Variants in ENPEP observed in about 807,000 individuals in gnomAD.
ENPEP encodes AP-A.
A neutral mutation model predicts 114.5 loss-of-function variants in ENPEP; 103 were observed. The ratio of observed to expected loss-of-function variants is 0.90; its 90% CI spans 0.77 to 1.06. The LOEUF is 1.06. Among genes scored for constraint, ENPEP ranks in the 50% least tolerant of loss-of-function variants. The probability of loss-of-function intolerance (pLI) is 0.00; values close to 1 mark genes in which losing one functional copy is unlikely to be tolerated. For missense variants in ENPEP, 1,196 were observed against 1,161.3 expected (o/e 1.03, Z -0.43); for synonymous variants, 420 against 422.0 (o/e 1.00, Z 0.06).
At chr4:110,532,395 G>A (rs1175732203) in intron 11 of ENPEP, among the ~76,000 whole-genome samples, 1 of 152,068 alleles carries the variant, frequency 6.6e-6, no homozygotes, top group Non-Finnish European at 1.5e-5. Context: ...TTAGCATAAC[G>A]ATTTCAAGGC....
intron 17 of ENPEP, 105 bp downstream of exon 17, chr4:110,549,991 A>T (rs1727227926): frequency 7.8e-6 from 9 of 1,157,014 alleles, no homozygotes; most frequent in East Asian, 5.2e-5. Flanking sequence ...TTCCAAAAAA[A>T]TCCATTAAAA....
At position 110,476,891 on chromosome 4, in the gene ENPEP, G is replaced by T. The variant is rs142566268; in HGVS notation, c.477G>T (p.Arg159Ser). 2.3e-3 allele frequency: 3,679 copies of T among 1,614,166 alleles called. 5 individuals are homozygous for T. The highest frequency in any genetic ancestry group is 2.9e-3 in the Non-Finnish European group (3,475 of 1,180,036). Reference protein sequence around the residue: ...RPSGDQVQVRRCFEYKKQEYV... With the variant: ...RPSGDQVQVRSCFEYKKQEYV... ...CTGGGGACCAGGTGCAAGTCCGGAG[G>T]TGTTTCGAGTACAAAAAGCAGGAGT... Residue 159 changes from arginine to serine, a missense_variant, in exon 1 of 20, where the codon AGG becomes AGT. Physicochemically the swap from Arg to Ser is moderately radical, Grantham distance 110. Transcript: ENST00000265162.
chr4:110,556,892 T>C (rs974258163), intron 18 of ENPEP, among the ~76,000 whole-genome samples: 2 of 152,188 alleles, frequency 1.3e-5, no homozygotes, highest in Admixed American at 6.6e-5. Flanking sequence ...ATGACTGGCA[T>C]TGGGGATGCA....
intron 11 of ENPEP, among the ~76,000 whole-genome samples, chr4:110,534,594 G>C (rs753699182): frequency 7.6e-6 from 1 of 131,856 alleles, no homozygotes; most frequent in Non-Finnish European, 1.5e-5. Context: ...TGCAACGTCC[G>C]CCCCCTGGGT....
At chr4:110,513,872 A>G (rs887839827) in intron 7 of ENPEP, among the ~76,000 whole-genome samples, 1 of 152,160 alleles carries the variant, frequency 6.6e-6, no homozygotes, top group African/African-American at 2.4e-5. Context: ...AAAGACAATA[A>G]ATCTTTTTCT....
chr4:110,530,182 G>A (rs189397705), intron 10 of ENPEP, among the ~76,000 whole-genome samples: 25 of 152,254 alleles, frequency 1.6e-4, no homozygotes, highest in African/African-American at 6.0e-4. Flanking sequence ...TTTATGAAAC[G>A]TATAGCCAAA....
In ENPEP at chr4:110,519,929, CAG is replaced by C. The variant is rs773376902; in HGVS notation, c.1510-78_1510-77del. 5.1e-5 allele frequency: 66 copies of C among 1,290,720 alleles called. 1 individual carries two copies. The Middle Eastern group carries it at 1.3e-3, about 25-fold the overall frequency. The allele number at this position is 1,290,720 out of a possible 1,614,324, so 80.0% of individuals were successfully genotyped here. A position where few individuals can be genotyped will look rare whatever the true frequency, so the allele number is the denominator to read the frequency against. On this transcript the variant is annotated intron_variant, in intron 8 of 19. Transcript: ENST00000265162. ...GCGCAATGGAGGTAGAATTGAGTAG[CAG>C]GGGTTCAGTTCATCTTGTGAAAGTA...
chr4:110,507,914 G>A (rs1406586085), intron 4 of ENPEP, among the ~76,000 whole-genome samples: 1 of 152,170 alleles, frequency 6.6e-6, no homozygotes, highest in African/African-American at 2.4e-5. Flanking sequence ...GGTTGAGGCT[G>A]CAGTGAGCCA....
intron 10 of ENPEP, among the ~76,000 whole-genome samples, chr4:110,521,692 A>T (rs975197485): frequency 1.3e-5 from 2 of 152,152 alleles, no homozygotes; most frequent in African/African-American, 4.8e-5. Context: ...CTTAGAAAGG[A>T]CAAATTGAGA....
intron 11 of ENPEP, among the ~76,000 whole-genome samples, chr4:110,532,395 G>T (rs1175732203): frequency 6.6e-6 from 1 of 152,068 alleles, no homozygotes; most frequent in Non-Finnish European, 1.5e-5. Flanking sequence ...TTAGCATAAC[G>T]ATTTCAAGGC....
At chr4:110,525,436 CT>C (rs1726160207) in intron 10 of ENPEP, among the ~76,000 whole-genome samples, 2 of 151,920 alleles carry the variant, frequency 1.3e-5, no homozygotes, top group African/African-American at 4.8e-5. Context: ...TTATTGCCCC[CT>C]CTTTCAACAT....
intron 3 of ENPEP, among the ~76,000 whole-genome samples, chr4:110,497,137 T>A (rs1051493481): frequency 6.6e-6 from 1 of 152,204 alleles, no homozygotes; most frequent in Non-Finnish European, 1.5e-5. Flanking sequence ...CATTCCCCAG[T>A]GGATGTCCAC....
rs1045133585 is a variant in ENPEP at position 110,476,592 on chromosome 4, C to T, written c.178C>T (p.Leu60=). Residue 60 remains leucine (L), a synonymous_variant, in exon 1 of 20, where the codon CTG becomes TTG. Coordinates refer to ENST00000265162, the MANE Select transcript of ENPEP (RefSeq NM_001977.4). ...GGGCACTGCGCCAGCTCCTTCCCAC[C>T]TGCCTTCTTCCACGGCCAGCCCCTC... ...GPGTAPAPSH[L]PSSTASPSGP... 1 of 1,614,016 alleles carries T rather than the reference C, an allele frequency of 6.2e-7. No homozygotes were observed. Among genetic ancestry groups the T allele is most frequent in the Non-Finnish European group, 8.5e-7 (1 of 1,179,994 alleles).
At chr4:110,511,761 C>CT (rs35037890) in intron 6 of ENPEP, among the ~76,000 whole-genome samples, 117 of 145,604 alleles carry the variant, frequency 8.0e-4, no homozygotes, top group Admixed American at 1.2e-3. Context: ...TCATTCATTC[C>CT]TTTTTTTTTT....
chr4:110,514,321 A>C (rs568022781), intron 7 of ENPEP, among the ~76,000 whole-genome samples: 1 of 152,248 alleles, frequency 6.6e-6, no homozygotes, highest in Non-Finnish European at 1.5e-5. Flanking sequence ...TATAATTATT[A>C]AAATGAATAC....
chr4:110,527,518 A>G (rs1726242016), intron 10 of ENPEP, among the ~76,000 whole-genome samples: 1 of 152,172 alleles, frequency 6.6e-6, no homozygotes, highest in Admixed American at 6.5e-5. Flanking sequence ...GAAAGATTAG[A>G]TGATGATGGA....
intron 18 of ENPEP, among the ~76,000 whole-genome samples, 178 bp from the exon 19 acceptor site, chr4:110,559,469 T>C (rs1727606712): frequency 6.6e-6 from 1 of 152,154 alleles, no homozygotes; most frequent in Non-Finnish European, 1.5e-5. Context: ...GTGCAGAGTG[T>C]ACTAAGAATT....
rs542158017 is a variant in ENPEP, at chr4:110,511,715, C to T, written c.1308+1357C>T. Among the ~76,000 whole-genome samples, 10 of 152,020 alleles carry T rather than the reference C, an allele frequency of 6.6e-5. No homozygotes were observed. In the South Asian group the frequency reaches 1.9e-3, roughly 28 times the overall value. On this transcript the variant is annotated intron_variant, in intron 6 of 19. Transcript: ENST00000265162. ...CTTCTTAAGTGAAATTTAATCACAT[C>T]GTTCAACACAACAATTAATTCATTC...
At chr4:110,559,577 A>G (rs1320578729) in intron 18 of ENPEP, 70 bp from the exon 19 acceptor site, 10 of 1,092,182 alleles carry the variant, frequency 9.2e-6, no homozygotes, top group African/African-American at 1.6e-5. Context: ...AAAAGGAAAC[A>G]TCTGCATTTA....
Sources: gnomAD v4.1 joint callset for allele counts (sites outside exome capture counted in the v4.1 genomes callset) on GRCh38, gnomAD v4.1.1 for gene constraint, MANE v1.5 for transcripts, NCBI Gene and HGNC (gene_info 2026-07-23, HGNC 2026-07-21) for gene names.